Variants in ACSS3 observed in about 807,000 individuals in gnomAD.
ACSS3 encodes acyl-CoA synthetase short-chain family member 3, mitochondrial.
ACSS3 carries 64 observed loss-of-function variants against 84.2 expected under a neutral mutation model. The observed-to-expected ratio is 0.76, with a 90% CI of 0.62 to 0.94. The LOEUF is 0.94. Among genes scored for constraint, ACSS3 ranks in the 40% least tolerant of loss-of-function variants. The pLI is 0.00. For synonymous variants in ACSS3, 317 were observed against 310.1 expected (o/e 1.02, Z -0.23); for missense variants, 815 against 867.6 (o/e 0.94, Z 0.76).
intron 8 of ACSS3, among the ~76,000 whole-genome samples, chr12:81,178,927 A>C (rs2030699152): frequency 6.6e-6 from 1 of 152,162 alleles, no homozygotes; most frequent in African/African-American, 2.4e-5. Context: ...AAAATGGCAT[A>C]GTACTGCCTC....
At chr12:81,231,248 AG>A (rs1358922594) in intron 12 of ACSS3, 110 bp downstream of exon 12, 2 of 876,218 alleles carry the variant, frequency 2.3e-6, no homozygotes, top group Admixed American at 2.9e-5. Flanking sequence ...AAACTTTTAA[AG>A]GTTATCTGGA....
chr12:81,143,391 C>T, intron 5 of ACSS3, 144 bp downstream of exon 5: 1 of 889,484 alleles, frequency 1.1e-6, no homozygotes, highest in South Asian at 3.0e-5. Context: ...TTTTCCTGTG[C>T]CCAGTCTGGA....
At chr12:81,186,683 G>T (rs909424516) in intron 8 of ACSS3, among the ~76,000 whole-genome samples, 2 of 151,754 alleles carry the variant, frequency 1.3e-5, no homozygotes, top group African/African-American at 4.8e-5. Flanking sequence ...CCATTAGATG[G>T]CTATTATCAA....
At chr12:81,207,814 A>G (rs920659370) in intron 9 of ACSS3, among the ~76,000 whole-genome samples, 3 of 152,072 alleles carry the variant, frequency 2.0e-5, no homozygotes, top group African/African-American at 7.2e-5. Context: ...TCATGCCTTC[A>G]TTAACTCAGT....
chr12:81,107,500 AC>A lies in ACSS3; in HGVS notation c.312-2059del. Among the ~76,000 whole-genome samples, 3 of 59,868 alleles carry A rather than the reference AC, an allele frequency of 5.0e-5. 1 individual carries two copies. Among genetic ancestry groups the A allele is most frequent in the Non-Finnish European group, 1.2e-4 (3 of 25,290 alleles). 39.3% of individuals were successfully genotyped at this position (59,868 alleles called of 152,430 possible). On this transcript the variant is annotated intron_variant, in intron 1 of 15. Transcript: ENST00000548058. ...GCCAGAAATGTTTTTTTTTTCAGGT[AC>A]AAATATATACATATATATATATATA...
chr12:81,217,902 C>T (rs2178482), intron 10 of ACSS3, among the ~76,000 whole-genome samples: 8,185 of 151,984 alleles, frequency 0.054, 390 homozygotes, highest in African/African-American at 0.13. Flanking sequence ...CAAAAGAAAA[C>T]ATTTCTTTGA....
At chr12:81,118,719 G>A (rs1053445549) in intron 2 of ACSS3, among the ~76,000 whole-genome samples, 1 of 152,164 alleles carries the variant, frequency 6.6e-6, no homozygotes, top group African/African-American at 2.4e-5. Context: ...TGGCATGCTA[G>A]AGATTAAGAA....
chr12:81,211,608 T>C (rs2032596699), intron 9 of ACSS3, among the ~76,000 whole-genome samples: 1 of 152,322 alleles, frequency 6.6e-6, no homozygotes, highest in Admixed American at 6.5e-5. Context: ...CAGAAATCTA[T>C]TAACCAGTTA....
At chr12:81,168,623 G>A (rs1385186020) in intron 7 of ACSS3, among the ~76,000 whole-genome samples, 4 of 152,146 alleles carry the variant, frequency 2.6e-5, no homozygotes, top group African/African-American at 9.7e-5. Flanking sequence ...AGAAAGGTCA[G>A]TTGTACTCAG....
At chr12:81,175,005 A>T in intron 8 of ACSS3, 66 bp downstream of exon 8, 1 of 1,546,096 alleles carries the variant, frequency 6.5e-7, no homozygotes, top group South Asian at 1.2e-5. Context: ...AGTGAACATT[A>T]TTTTTTTTCT....
At chr12:81,230,057 A>T (rs1024632761) in intron 11 of ACSS3, among the ~76,000 whole-genome samples, 3 of 151,856 alleles carry the variant, frequency 2.0e-5, no homozygotes, top group Non-Finnish European at 4.4e-5. Flanking sequence ...GTGAGATGTC[A>T]TCTTATGTGG....
At chr12:81,191,937 T>C (rs1359305007) in intron 8 of ACSS3, among the ~76,000 whole-genome samples, 1 of 152,248 alleles carries the variant, frequency 6.6e-6, no homozygotes, top group Non-Finnish European at 1.5e-5. Context: ...CTGCTAATAT[T>C]CTACGTATAT....
chr12:81,132,969 T>C (rs1382809628), intron 2 of ACSS3, among the ~76,000 whole-genome samples: 1 of 152,160 alleles, frequency 6.6e-6, no homozygotes, highest in Non-Finnish European at 1.5e-5. Context: ...TCTTGTTTTT[T>C]TGAGTTCCAT....
intron 9 of ACSS3, among the ~76,000 whole-genome samples, chr12:81,212,059 G>A (rs1478909119): frequency 6.6e-6 from 1 of 152,042 alleles, no homozygotes; most frequent in Non-Finnish European, 1.5e-5. Flanking sequence ...TTACTTAAAT[G>A]TCACCTTCTC....
At chr12:81,239,443 A>G (rs920878973) in intron 13 of ACSS3, among the ~76,000 whole-genome samples, 1 of 151,992 alleles carries the variant, frequency 6.6e-6, no homozygotes, top group African/African-American at 2.4e-5. Flanking sequence ...CTGTTCTCAC[A>G]CTGCTAGTAA....
intron 7 of ACSS3, among the ~76,000 whole-genome samples, chr12:81,154,802 T>C (rs2135762041): frequency 6.6e-6 from 1 of 152,312 alleles, no homozygotes; most frequent in South Asian, 2.1e-4. Context: ...TGCAGACCAT[T>C]CCTTTAGGTG....
intron 15 of ACSS3, 128 bp from the exon 16 acceptor site, chr12:81,254,729 T>C (rs2034252619): frequency 2.9e-6 from 2 of 684,880 alleles, no homozygotes; most frequent in Non-Finnish European, 4.6e-6. Context: ...AAGTTCCCTA[T>C]TTTTAAACTT....
rs556391362 is a variant in ACSS3 at position 81,221,105 on chromosome 12, A to G, written c.1514+1029A>G. Among the ~76,000 whole-genome samples, 53 of 152,122 alleles carry G rather than the reference A, an allele frequency of 3.5e-4. 1 individual carries two copies. The South Asian group carries it at 9.1e-3, about 26-fold the overall frequency. ...ATTTAAAGTGAAAATATTTAAATTT[A>G]CTTTAATTACATCAAGACGTGTACT... On this transcript the variant is annotated intron_variant, in intron 11 of 15. Transcript: ENST00000548058.
chr12:81,247,197 G>T (rs1438962456), intron 13 of ACSS3, among the ~76,000 whole-genome samples: 2 of 152,052 alleles, frequency 1.3e-5, no homozygotes, highest in East Asian at 3.9e-4. Context: ...GATGGTTCTG[G>T]TTGCATGAAC....
Sources: allele counts gnomAD v4.1 joint callset (sites outside exome capture counted in the v4.1 genomes callset), GRCh38; gene constraint gnomAD v4.1.1; transcripts MANE v1.5; gene names NCBI Gene and HGNC (gene_info 2026-07-23, HGNC 2026-07-21).